The following CCDC188 variants were observed in gnomAD, a reference collection of about 807,000 sequenced individuals.
CCDC188 encodes the protein coiled-coil domain-containing protein 188.
A neutral mutation model predicts 50.7 loss-of-function variants in CCDC188; 37 were observed. The observed-to-expected ratio is 0.73, with a 90% CI of 0.56 to 0.96. The LOEUF (loss-of-function observed/expected upper bound fraction) is 0.96, where lower values mean the gene tolerates loss of function less well. Ranked by LOEUF, CCDC188 falls within the 40% of genes least tolerant of loss-of-function variation. The pLI, the probability that CCDC188 is intolerant of heterozygous loss-of-function variation, is 0.00. For synonymous variants in CCDC188, 208 were observed against 228.0 expected (o/e 0.91, Z 0.79); for missense variants, 453 against 512.9 (o/e 0.88, Z 1.13).
rs1362315663 is a variant in CCDC188 at position 20,148,557 on chromosome 22, G to A, written c.*57C>T. The A allele has an allele frequency of 1.8e-5, 27 of 1,467,676 alleles. No homozygotes were observed. The highest frequency in any genetic ancestry group is 2.3e-5 in the Non-Finnish European group (25 of 1,110,250). The allele number at this position is 1,467,676 out of a possible 1,614,324, so 90.9% of individuals were successfully genotyped here. A position where few individuals can be genotyped will look rare whatever the true frequency, so the allele number is the denominator to read the frequency against. On this transcript the variant is annotated 3_prime_UTR_variant, in exon 9 of 9. Transcript: ENST00000439765. ...TGCAGGGGGCTGGCACGGCCACTGGGCATCCGGGGCAGTGCTGGTCGCCTG... is the reference window on the plus strand; with the variant it reads ...TGCAGGGGGCTGGCACGGCCACTGGACATCCGGGGCAGTGCTGGTCGCCTG...
chr22:20,148,989 CTT>C, intron 7 of CCDC188, 65 bp from the exon 8 acceptor site: 1 of 1,429,208 alleles, frequency 7.0e-7, no homozygotes, highest in Non-Finnish European at 9.2e-7. Flanking sequence ...GGATCCCTGG[CTT>C]TGGGAAACCC....
At chr22:20,150,379 AGGT>A in intron 1 of CCDC188, 86 bp downstream of exon 1, 1 of 690,338 alleles carries the variant, frequency 1.4e-6, no homozygotes. Context: ...CAGGGGCGCC[AGGT>A]GGTGGGTGGG....
chr22:20,148,549 G>A lies in CCDC188; in HGVS notation c.*65C>T. On this transcript the variant is annotated 3_prime_UTR_variant, in exon 9 of 9. Coordinates refer to ENST00000439765, the MANE Select transcript of CCDC188 (RefSeq NM_001365892.2). Reference sequence around the variant, plus strand: ...GTGCCATGTGCAGGGGGCTGGCACGGCCACTGGGCATCCGGGGCAGTGCTG... The same window carrying A: ...GTGCCATGTGCAGGGGGCTGGCACGACCACTGGGCATCCGGGGCAGTGCTG... The A allele has an allele frequency of 6.8e-7, 1 of 1,462,554 alleles. No individual in the cohort carries two copies. Among genetic ancestry groups the A allele is most frequent in the Non-Finnish European group, 9.0e-7 (1 of 1,107,906 alleles). The allele number at this position is 1,462,554 out of a possible 1,614,324, so 90.6% of individuals were successfully genotyped here. A position where few individuals can be genotyped will look rare whatever the true frequency, so the allele number is the denominator to read the frequency against.
Position 20,149,173 on chromosome 22 carries a change from C to T in CCDC188, c.972+14G>A, listed in dbSNP as rs992074879. 27 of 1,462,954 alleles carry T rather than the reference C, an allele frequency of 1.8e-5. No homozygotes were observed. The African/African-American group carries it at 3.7e-4, about 20-fold the overall frequency. The allele number at this position is 1,462,954 out of a possible 1,614,324, so 90.6% of individuals were successfully genotyped here. On this transcript the variant is annotated intron_variant, in intron 7 of 8. Coordinates refer to ENST00000439765, the MANE Select transcript of CCDC188 (RefSeq NM_001365892.2). ...GCTGGTCTCCAGACCCAGAGTGGGG[C>T]GTGGGGGGCTCACCGACATGCTTGC...
chr22:20,149,009 A>G (rs930002694), intron 7 of CCDC188, 85 bp from the exon 8 acceptor site: 2 of 1,384,106 alleles, frequency 1.4e-6, no homozygotes, highest in African/African-American at 2.9e-5. Flanking sequence ...CCCTCCTCAG[A>G]CAGGGCTCCC....
Position 20,150,665 on chromosome 22 carries a change from G to T in CCDC188, c.322C>A (p.His108Asn), listed in dbSNP as rs1273655428. 7 of 1,548,030 alleles carry T rather than the reference G, an allele frequency of 4.5e-6. No individual in the cohort carries two copies. Among genetic ancestry groups the T allele is most frequent in the Non-Finnish European group, 6.1e-6 (7 of 1,145,448 alleles). ...EAGLGWGWPL[H>N]PGSNQGAPRQ... The stretch of plus-strand genomic sequence containing the variant: ...GGAGCCCCCTGGTTCGACCCTGGGT[G>T]CAGGGGCCAGCCCCACCCAAGCCCT... Residue 108 changes from histidine to asparagine, a missense_variant, in exon 1 of 9, where the codon CAC becomes AAC. His to Asn is a moderately conservative substitution (Grantham distance 68, BLOSUM62 1). Transcript: ENST00000439765.
At chr22:20,149,822 G>T in intron 3 of CCDC188, 42 bp from the exon 4 acceptor site, 3 of 1,486,172 alleles carry the variant, frequency 2.0e-6, no homozygotes, top group Non-Finnish European at 2.7e-6. Context: ...GCATCAGCAG[G>T]GTGGCCAGTA....
rs983767181 is a variant in CCDC188, at chr22:20,149,956, T to C, written c.731A>G (p.Gln244Arg). 3.0e-5 allele frequency: 46 copies of C among 1,545,356 alleles called. No homozygotes were observed. Among genetic ancestry groups the C allele is most frequent in the Admixed American group, 2.8e-4 (14 of 50,704 alleles). The change falls in exon 3 of 9, where the codon CAG becomes CGG. Residue 244 changes from glutamine (Q) to arginine (R), a missense_variant and splice_region_variant. Physicochemically the swap from Gln to Arg is conservative, Grantham distance 43. Coordinates refer to ENST00000439765, the MANE Select transcript of CCDC188 (RefSeq NM_001365892.2). ...QGQEAFVQQS[Q>R]NELQQIRLCF... ...CCACAGCCCCTCCCCCAGGCCCACC[T>C]GGGACTGTTGCACGAAAGCCTCTTG...
Position 20,148,801 on chromosome 22 carries a change from C to T in CCDC188, c.1023-1G>A. ...CAGCAGCAGCCTCAGGGTCAGCAGC[C>T]TGCGGGCGGCGGTGGTCAGGGGCAG... On this transcript the variant is annotated splice_acceptor_variant, in intron 8 of 8. Coordinates refer to ENST00000439765, the MANE Select transcript of CCDC188 (RefSeq NM_001365892.2). LOFTEE classifies it high-confidence loss of function. 1.4e-6 allele frequency: 2 copies of T among 1,463,932 alleles called. No homozygotes were observed. The highest frequency in any genetic ancestry group is 9.1e-7 in the Non-Finnish European group (1 of 1,101,898). 90.7% of individuals were successfully genotyped at this position (1,463,932 alleles called of 1,614,324 possible). A position where few individuals can be genotyped will look rare whatever the true frequency, so the allele number is the denominator to read the frequency against.
chr22:20,149,124 C>G, intron 7 of CCDC188, 63 bp downstream of exon 7: 2 of 1,369,754 alleles, frequency 1.5e-6, no homozygotes, highest in Non-Finnish European at 1.9e-6. Flanking sequence ...CTCCCTCTCG[C>G]CCAAGCAGGG....
rs1480077274 is a variant in CCDC188, at chr22:20,150,606, T to C, written c.381A>G (p.Arg127=). The C allele has an allele frequency of 6.5e-7, 1 of 1,544,762 alleles. No individual in the cohort carries two copies. Among genetic ancestry groups the C allele is most frequent in the Non-Finnish European group, 8.7e-7 (1 of 1,143,152 alleles). ...RQGGSIGSGT[R]PCPCPPLSRE... is the part of the protein sequence containing the mutation. ...GTGACAGGGGTGGGCATGGGCAGGG[T>C]CTGGTCCCTGAGCCAATGGATCCCC... The change falls in exon 1 of 9, where the codon AGA becomes AGG. Residue 127 remains arginine, a synonymous_variant. Transcript: ENST00000439765.
Position 20,150,733 on chromosome 22 carries a change from C to T in CCDC188, c.254G>A (p.Arg85Lys). ...PGLFLSSQEQ[R>K]ARDTEGPRQG... ...TCTCGGCCCCTCAGTGTCTCTCGCT[C>T]TCTGCTCCTGGCTGGACAGAAAGAG... The change falls in exon 1 of 9, where the codon AGA (arginine) becomes AAA (lysine). Residue 85 changes from arginine (R) to lysine (K), a missense_variant. Physicochemically the swap from Arg to Lys is conservative, Grantham distance 26. Transcript: ENST00000439765. 6.5e-7 allele frequency: 1 copy of T among 1,550,244 alleles called. No individual in the cohort carries two copies. Among genetic ancestry groups the T allele is most frequent in the Non-Finnish European group, 8.7e-7 (1 of 1,146,840 alleles).
At chr22:20,149,019 C>G in intron 7 of CCDC188, 95 bp from the exon 8 acceptor site, 4 of 1,347,740 alleles carry the variant, frequency 3.0e-6, no homozygotes, top group Non-Finnish European at 4.0e-6. Context: ...ACAGGGCTCC[C>G]CGCACCGCAG....
rs1177514882 is a variant in CCDC188 at position 20,150,554 on chromosome 22, T to C, written c.433A>G (p.Arg145Gly). 4 of 1,548,056 alleles carry C rather than the reference T, an allele frequency of 2.6e-6. No homozygotes were observed. In the East Asian group the frequency reaches 7.3e-5, roughly 28 times the overall value. ...CACTGAAGCTGGGACAGGGCTACCCTGGGCGAGGCCAGGGCCCCTCCCTCC... is the reference window on the plus strand; with the variant it reads ...CACTGAAGCTGGGACAGGGCTACCCCGGGCGAGGCCAGGGCCCCTCCCTCC... ...SREGGALASP[R>G]VALSQLQCGL... The change falls in exon 1 of 9, where the codon AGG (arginine) becomes GGG (glycine). Residue 145 changes from arginine to glycine, a missense_variant. Arg to Gly is a moderately radical substitution (Grantham distance 125, BLOSUM62 -2). Coordinates refer to ENST00000439765, the MANE Select transcript of CCDC188 (RefSeq NM_001365892.2).
rs1239676996 is a variant in CCDC188, at chr22:20,149,600, T to A, written c.830A>T (p.Asn277Ile). The change falls in exon 5 of 9, where the codon AAC becomes ATC. Residue 277 changes from asparagine (N) to isoleucine (I), a missense_variant. Physicochemically the swap from Asn to Ile is moderately radical, Grantham distance 149. Coordinates refer to ENST00000439765, the MANE Select transcript of CCDC188 (RefSeq NM_001365892.2). ...ACCTACCAGGAGCCCGGTGGCCTGG[T>A]TGTTCAGGGCCATGTGCATCTCAGC... ...NVAEMHMALNNQATGLLNLKK... is the reference protein window; with the variant it reads ...NVAEMHMALNIQATGLLNLKK... 7 of 1,550,066 alleles carry A rather than the reference T, an allele frequency of 4.5e-6. No homozygotes were observed. The highest frequency in any genetic ancestry group is 1.7e-6 in the Non-Finnish European group (2 of 1,146,906).
Position 20,148,478 on chromosome 22 carries a change from C to T in CCDC188, c.*136G>A, listed in dbSNP as rs1026116419. On this transcript the variant is annotated 3_prime_UTR_variant, in exon 9 of 9. Transcript: ENST00000439765. Reference sequence around the variant, plus strand: ...CAGGCCCAGCCCTCAGGACAGACCCCACCTCCACCCTTCTCTGCAGCTTCT... The same window carrying T: ...CAGGCCCAGCCCTCAGGACAGACCCTACCTCCACCCTTCTCTGCAGCTTCT... 3.7e-5 allele frequency: 51 copies of T among 1,382,228 alleles called. No homozygotes were observed. The African/African-American group carries it at 6.4e-4, about 17-fold the overall frequency. 85.6% of individuals were successfully genotyped at this position (1,382,228 alleles called of 1,614,324 possible).
chr22:20,148,829 G>T lies in CCDC188; in HGVS notation c.1023-29C>A, dbSNP rs942759624. The T allele has an allele frequency of 4.1e-6, 6 of 1,462,014 alleles. No individual in the cohort carries two copies. The South Asian group carries it at 7.0e-5, about 17-fold the overall frequency. The allele number at this position is 1,462,014 out of a possible 1,614,324, so 90.6% of individuals were successfully genotyped here. On this transcript the variant is annotated intron_variant, in intron 8 of 8. Transcript: ENST00000439765. The stretch of plus-strand genomic sequence containing the variant: ...CGGGCGGCGGTGGTCAGGGGCAGGG[G>T]CGCGCGGGGGGCCTGGGGGCTGGGC...
chr22:20,150,480 CTCCT>C lies in CCDC188; in HGVS notation c.503_506del (p.Gln168ArgfsTer5). ...GTGGGGTGCTCACCAGGCTGTGGTT[CTCCT>C]GCTCCAGCTGCAGGAAGGACTGTTC... On this transcript the variant is annotated frameshift_variant, in exon 1 of 9. Transcript: ENST00000439765. LOFTEE classifies it high-confidence loss of function. 3 of 1,542,160 alleles carry C rather than the reference CTCCT, an allele frequency of 1.9e-6. No homozygotes were observed. The highest frequency in any genetic ancestry group is 1.7e-6 in the Non-Finnish European group (2 of 1,146,350).
In CCDC188 at chr22:20,150,291, C is replaced by A. The variant is rs936088818; in HGVS notation, c.520-41G>T. ...GAGAGAGGGGGCTGCCTGTCATGGC[C>A]GCTCCTGCGGCTGGGGCTGGGGCAG... On this transcript the variant is annotated intron_variant, in intron 1 of 8. Transcript: ENST00000439765. 3.1e-6 allele frequency: 4 copies of A among 1,291,716 alleles called. No homozygotes were observed. In the Admixed American group the frequency reaches 8.3e-5, roughly 27 times the overall value. 80.0% of individuals were successfully genotyped at this position (1,291,716 alleles called of 1,614,324 possible).
Sources: gnomAD v4.1 joint callset for allele counts on GRCh38, gnomAD v4.1.1 for gene constraint, MANE v1.5 for transcripts, NCBI Gene and HGNC (gene_info 2026-07-23, HGNC 2026-07-21) for gene names.